The following PARN variants were observed in gnomAD, a reference collection of about 807,000 sequenced individuals.
PARN encodes the protein poly(A)-specific ribonuclease.
In PARN, 71 loss-of-function variants were observed where a neutral mutation model predicts 102.8. The observed-to-expected ratio is 0.69, with a 90% CI of 0.57 to 0.84. PARN has a LOEUF of 0.84. PARN is among the 40% of genes least tolerant of loss of function. The pLI is 0.00. For missense variants in PARN, 782 were observed against 760.9 expected, an observed-to-expected ratio of 1.03 and a Z score of -0.33; for synonymous variants, 261 against 252.9, an observed-to-expected ratio of 1.03 and a Z score of -0.30.
chr16:14,510,926 T>C (rs1359697223), intron 21 of PARN, among the ~76,000 whole-genome samples: 1 of 152,198 alleles, frequency 6.6e-6, no homozygotes, highest in Admixed American at 6.5e-5. Flanking sequence ...GCAATTTTTC[T>C]TTTCAGAAAA....
chr16:14,476,119 T>G (rs1944810178), intron 22 of PARN, among the ~76,000 whole-genome samples: 1 of 152,114 alleles, frequency 6.6e-6, no homozygotes, highest in Non-Finnish European at 1.5e-5. Flanking sequence ...AATCTTAGAG[T>G]AGTGCTTGGC....
At chr16:14,524,817 T>G (rs1220194715) in intron 21 of PARN, among the ~76,000 whole-genome samples, 1 of 152,226 alleles carries the variant, frequency 6.6e-6, no homozygotes, top group Non-Finnish European at 1.5e-5. Flanking sequence ...CTTTCCTTGT[T>G]CAGATCCACT....
intron 18 of PARN, among the ~76,000 whole-genome samples, chr16:14,559,630 T>C (rs2151717309): frequency 6.6e-6 from 1 of 152,106 alleles, no homozygotes; most frequent in African/African-American, 2.4e-5. Flanking sequence ...TGTTGTGCTA[T>C]CAAATAGGTC....
chr16:14,477,636 G>A (rs1170884629), intron 22 of PARN, among the ~76,000 whole-genome samples: 1 of 151,324 alleles, frequency 6.6e-6, no homozygotes, highest in Non-Finnish European at 1.5e-5. Flanking sequence ...AAAATTAGCT[G>A]GGTATGGTGG....
At position 14,593,352 on chromosome 16, in the gene PARN, C is replaced by T. The variant is rs1176408023; in HGVS notation, c.867G>A (p.Met289Ile). 1 of 1,604,964 alleles carries T rather than the reference C, an allele frequency of 6.2e-7. No individual in the cohort carries two copies. The highest frequency in any genetic ancestry group is 2.2e-5 in the East Asian group (1 of 44,814). ...GAACTGTGTGCATGACGTCCAAGAG[C>T]ATATTGTGTCCAATAACAAGTTTTC... ...NSGKLVIGHN[M>I]LLDVMHTVHQ... Residue 289 changes from methionine (M) to isoleucine (I), a missense_variant, in exon 13 of 24, where the codon ATG becomes ATA. Physicochemically the swap from Met to Ile is conservative, Grantham distance 10. Transcript: ENST00000437198.
At chr16:14,531,824 G>T (rs1167962164) in intron 21 of PARN, among the ~76,000 whole-genome samples, 1 of 150,630 alleles carries the variant, frequency 6.6e-6, no homozygotes, top group African/African-American at 2.4e-5. Flanking sequence ...ACTTCTCAAT[G>T]AAAACTGGTT....
chr16:14,591,030 G>A (rs1016377310), intron 13 of PARN, among the ~76,000 whole-genome samples: 12 of 151,604 alleles, frequency 7.9e-5, no homozygotes, highest in Non-Finnish European at 1.5e-4. Flanking sequence ...CAGGAGGACC[G>A]CTTGAGCCCA....
intron 21 of PARN, among the ~76,000 whole-genome samples, chr16:14,533,203 A>G (rs1966445921): frequency 6.6e-6 from 1 of 152,160 alleles, no homozygotes; most frequent in Non-Finnish European, 1.5e-5. Context: ...TAGGAGCTGG[A>G]GACCAGCCCG....
chr16:14,500,799 C>T (rs1964547435), intron 21 of PARN, among the ~76,000 whole-genome samples: 1 of 152,132 alleles, frequency 6.6e-6, no homozygotes, highest in Admixed American at 6.5e-5. Context: ...TAAAGCTCCA[C>T]AAACCCCATT....
chr16:14,600,687 T>C (rs1303644635), intron 11 of PARN, among the ~76,000 whole-genome samples: 1 of 152,074 alleles, frequency 6.6e-6, no homozygotes, highest in African/African-American at 2.4e-5. Flanking sequence ...TCCGAGCACT[T>C]TGGGAGGCAG....
chr16:14,447,068 T>C lies in PARN; in HGVS notation c.1684A>G (p.Ser562Gly), dbSNP rs767471431. ...CTCAAATTTCTCTTTCCTACTGTGCTGGGAGCTGTAAAACTGAAATGCAAA... is the reference window on the plus strand; with the variant it reads ...CTCAAATTTCTCTTTCCTACTGTGCCGGGAGCTGTAAAACTGAAATGCAAA... The part of the protein sequence containing the change: ...YYRNNSFTAP[S>G]TVGKRNLSPS... Residue 562 changes from serine to glycine, a missense_variant, in exon 23 of 24, where the codon AGC (serine) becomes GGC (glycine). Coordinates refer to ENST00000437198, the MANE Select transcript of PARN (RefSeq NM_002582.4). 5.0e-6 allele frequency: 8 copies of C among 1,612,010 alleles called. No homozygotes were observed. The East Asian group carries it at 1.8e-4, about 36-fold the overall frequency.
chr16:14,499,314 A>C (rs1195790339), intron 21 of PARN, among the ~76,000 whole-genome samples: 3 of 152,110 alleles, frequency 2.0e-5, no homozygotes, highest in Admixed American at 6.6e-5. Context: ...GGAGAAGGAG[A>C]AAGTAGGGAG....
chr16:14,546,687 G>C (rs16963772), intron 21 of PARN, among the ~76,000 whole-genome samples: 6,568 of 152,262 alleles, frequency 0.043, 150 homozygotes, highest in African/African-American at 0.054. Flanking sequence ...TAAATATTGA[G>C]AGTATGGCTA....
At chr16:14,493,304 T>G (rs1304348921) in intron 21 of PARN, among the ~76,000 whole-genome samples, 1 of 151,824 alleles carries the variant, frequency 6.6e-6, no homozygotes, top group East Asian at 1.9e-4. Flanking sequence ...TAGCCTCGAG[T>G]TTCTGGGCTC....
At chr16:14,494,607 G>A (rs1429307934) in intron 21 of PARN, among the ~76,000 whole-genome samples, 4 of 152,248 alleles carry the variant, frequency 2.6e-5, no homozygotes, top group African/African-American at 9.6e-5. Flanking sequence ...GACCGTAATA[G>A]TGAATCCTAA....
At chr16:14,612,785 C>A (rs1409666258) in intron 6 of PARN, among the ~76,000 whole-genome samples, 1 of 151,566 alleles carries the variant, frequency 6.6e-6, no homozygotes, top group Non-Finnish European at 1.5e-5. Flanking sequence ...TTAGTAGAGA[C>A]AAGGTTTCAA....
chr16:14,446,428 T>C (rs1490168968), intron 23 of PARN, among the ~76,000 whole-genome samples: 1 of 152,230 alleles, frequency 6.6e-6, no homozygotes, highest in Non-Finnish European at 1.5e-5. Flanking sequence ...TAGTAGGCTC[T>C]CAACAGGTGC....
rs532042288 is a variant in PARN, at chr16:14,575,866, G to A, written c.1262+5008C>T. ...TTCCCACATATCGTAGGAGGAACCCGGTGGGAGGTGATACAATTATGGGGC... is the reference window on the plus strand; with the variant it reads ...TTCCCACATATCGTAGGAGGAACCCAGTGGGAGGTGATACAATTATGGGGC... On this transcript the variant is annotated intron_variant, in intron 18 of 23. Transcript: ENST00000437198. 6.6e-5 allele frequency among the ~76,000 whole-genome samples: 10 copies of A among 152,266 alleles called. No individual in the cohort carries two copies. The South Asian group carries it at 1.0e-3, about 16-fold the overall frequency.
At chr16:14,549,603 G>C (rs894262831) in intron 21 of PARN, among the ~76,000 whole-genome samples, 16 of 152,188 alleles carry the variant, frequency 1.1e-4, no homozygotes, top group Admixed American at 6.5e-4. Flanking sequence ...AGATATGGTG[G>C]TATAACAGGA....
Sources: gnomAD v4.1 joint callset for allele counts (sites outside exome capture counted in the v4.1 genomes callset) on GRCh38, gnomAD v4.1.1 for gene constraint, MANE v1.5 for transcripts, NCBI Gene and HGNC (gene_info 2026-07-23, HGNC 2026-07-21) for gene names.